Variants in DNAH12 observed in about 807,000 individuals in gnomAD.
DNAH12 encodes axonemal beta dynein heavy chain 12.
In DNAH12, 285 loss-of-function variants were observed where a neutral mutation model predicts 371.5. The observed-to-expected ratio is 0.77, with a 90% CI of 0.70 to 0.85. DNAH12 has a LOEUF of 0.85. Among genes scored for constraint, DNAH12 ranks in the 40% least tolerant of loss-of-function variants. DNAH12 has a pLI of 0.00. For missense variants in DNAH12, 3,611 were observed against 3,689.4 expected (o/e 0.98, Z 0.55); for synonymous variants, 1,200 against 1,213.0 (o/e 0.99, Z 0.22).
intron 45 of DNAH12, among the ~76,000 whole-genome samples, chr3:57,390,427 ATATATAT>A (rs2063596355): frequency 4.0e-5 from 2 of 50,344 alleles, no homozygotes; most frequent in East Asian, 1.2e-3. Context: ...AAAAAAAAAT[ATATATAT>A]ATATATATAT....
intron 40 of DNAH12, 36 bp downstream of exon 40, chr3:57,408,244 T>C: frequency 1.4e-6 from 2 of 1,472,646 alleles, no homozygotes; most frequent in Non-Finnish European, 1.8e-6. Context: ...GGGAAATATG[T>C]AATACTAAAA....
intron 13 of DNAH12, among the ~76,000 whole-genome samples, chr3:57,477,240 TC>T (rs2066563698): frequency 6.6e-6 from 1 of 152,140 alleles, no homozygotes; most frequent in African/African-American, 2.4e-5. Flanking sequence ...AGTGCGCTTT[TC>T]CAACGGGTTT....
intron 59 of DNAH12, among the ~76,000 whole-genome samples, chr3:57,354,998 T>C (rs1305918100): frequency 6.6e-6 from 1 of 152,118 alleles, no homozygotes; most frequent in African/African-American, 2.4e-5. Context: ...GAAGTGGGTA[T>C]AGCTATAAAA....
intron 13 of DNAH12, among the ~76,000 whole-genome samples, chr3:57,474,073 A>G (rs1402648811): frequency 1.3e-5 from 2 of 152,150 alleles, no homozygotes; most frequent in East Asian, 3.9e-4. Context: ...TGGGATAAAG[A>G]TGGGAAATCT....
In DNAH12 at chr3:57,315,110, G is replaced by A. The variant is rs2061658847; in HGVS notation, c.10525-479C>T. On this transcript the variant is annotated intron_variant, in intron 65 of 73. Coordinates refer to ENST00000495027, the MANE Select transcript of DNAH12 (RefSeq NM_001366028.2). ...CCATTGTTTATTTGATCTGCTTTGT[G>A]GCATCCCCGTGTCTGTGATATGCAT... Among the ~76,000 whole-genome samples the A allele has an allele frequency of 1.3e-5, 2 of 151,880 alleles. 1 individual carries two copies. Among genetic ancestry groups the A allele is most frequent in the South Asian group, 4.2e-4 (2 of 4,802 alleles).
chr3:57,501,543 A>G, intron 10 of DNAH12, 131 bp from the exon 11 acceptor site: 1 of 598,678 alleles, frequency 1.7e-6, no homozygotes, highest in African/African-American at 2.0e-5. Context: ...AACATACATG[A>G]TTTACTATAT....
intron 60 of DNAH12, among the ~76,000 whole-genome samples, chr3:57,342,935 T>C (rs1385561694): frequency 3.3e-5 from 5 of 151,768 alleles, no homozygotes; most frequent in Non-Finnish European, 7.4e-5. Flanking sequence ...TAGCCAAGCA[T>C]GGTGGCTTGT....
At chr3:57,319,432 C>T (rs970432166) in intron 65 of DNAH12, among the ~76,000 whole-genome samples, 4 of 152,150 alleles carry the variant, frequency 2.6e-5, no homozygotes, top group African/African-American at 7.2e-5. Context: ...AAGGAGTGGG[C>T]TTCCATGCCT....
rs781974118 is a variant in DNAH12 at position 57,346,413 on chromosome 3, G to C, written c.9674+5672C>G. ...TGTAAATGTACATTGCAAACTCAAGGGCAATAACAAAAAAAAGTTTTTTAA... is the reference window on the plus strand; with the variant it reads ...TGTAAATGTACATTGCAAACTCAAGCGCAATAACAAAAAAAAGTTTTTTAA... On this transcript the variant is annotated intron_variant, in intron 60 of 73. Transcript: ENST00000495027. Among the ~76,000 whole-genome samples, 18 of 151,670 alleles carry C rather than the reference G, an allele frequency of 1.2e-4. No homozygotes were observed. The South Asian group carries it at 1.5e-3, about 12-fold the overall frequency.
At chr3:57,448,470 C>T (rs996397043) in intron 25 of DNAH12, among the ~76,000 whole-genome samples, 3 of 151,710 alleles carry the variant, frequency 2.0e-5, no homozygotes, top group Non-Finnish European at 4.4e-5. Context: ...CCCAGGGGGG[C>T]TCGTGGTCTC....
rs1296398769 is a variant in DNAH12, at chr3:57,433,669, TC to T, written c.4814del (p.Gly1605AspfsTer44). ...PKSITMGQLF[G>X]QFDPVSHEWT... Reference sequence around the variant, plus strand: ...CCTCATGAGACACTGGGTCAAACTGTCCAAAAAGTTGGCCCATAGTAATAGA... The same window carrying T: ...CCTCATGAGACACTGGGTCAAACTGTCAAAAAGTTGGCCCATAGTAATAGA... On this transcript the variant is annotated frameshift_variant, in exon 31 of 74. Coordinates refer to ENST00000495027, the MANE Select transcript of DNAH12 (RefSeq NM_001366028.2). LOFTEE classifies it high-confidence loss of function. 1 of 1,550,186 alleles carries T rather than the reference TC, an allele frequency of 6.5e-7. No individual in the cohort carries two copies. Among genetic ancestry groups the T allele is most frequent in the Non-Finnish European group, 8.7e-7 (1 of 1,146,790 alleles).
intron 1 of DNAH12, among the ~76,000 whole-genome samples, chr3:57,543,480 C>G (rs1237188721): frequency 2.6e-5 from 4 of 151,030 alleles, no homozygotes; most frequent in African/African-American, 7.3e-5. Context: ...GCAACCACGC[C>G]CAGCTACTTT....
rs577670136 is a variant in DNAH12 at position 57,491,229 on chromosome 3, G to A, written c.1336-1542C>T. Among the ~76,000 whole-genome samples, 415 of 151,902 alleles carry A rather than the reference G, an allele frequency of 2.7e-3. 2 individuals are homozygous for A. The highest frequency in any genetic ancestry group is 4.3e-3 in the Non-Finnish European group (293 of 67,984). ...ATGATACCTTTCATACAAACTTACC[G>A]TGGACAAAACTAAACTATATTATTT... On this transcript the variant is annotated intron_variant, in intron 11 of 73. Transcript: ENST00000495027.
At chr3:57,337,532 G>A (rs1476771876) in intron 60 of DNAH12, among the ~76,000 whole-genome samples, 1 of 152,188 alleles carries the variant, frequency 6.6e-6, no homozygotes, top group Non-Finnish European at 1.5e-5. Flanking sequence ...GGTGACGTAT[G>A]CCTGTAATCC....
At position 57,458,234 on chromosome 3, in the gene DNAH12, A is replaced by G. The variant is rs2065956465; in HGVS notation, c.2932-14T>C. ...GGCAGCAAGAACCTAAACGAGACAC[A>G]TGCATTCAAGTCAGCACTTTTATGC... On this transcript the variant is annotated splice_polypyrimidine_tract_variant and intron_variant, in intron 20 of 73. Transcript: ENST00000495027. The G allele has an allele frequency of 2.0e-6, 3 of 1,537,822 alleles. No individual in the cohort carries two copies. Among genetic ancestry groups the G allele is most frequent in the Non-Finnish European group, 2.6e-6 (3 of 1,143,468 alleles).
chr3:57,495,097 T>TA (rs2067262840), intron 11 of DNAH12, among the ~76,000 whole-genome samples: 4 of 152,146 alleles, frequency 2.6e-5, no homozygotes, highest in Non-Finnish European at 5.9e-5. Flanking sequence ...TTTACACATA[T>TA]ATTTGCACTT....
At chr3:57,447,415 G>C (rs1199019416) in intron 25 of DNAH12, among the ~76,000 whole-genome samples, 1 of 152,058 alleles carries the variant, frequency 6.6e-6, no homozygotes, top group Admixed American at 6.6e-5. Context: ...TCTGTTTCAC[G>C]GGAGTTTCAA....
intron 5 of DNAH12, 140 bp from the exon 6 acceptor site, chr3:57,509,352 C>G (rs1382365416): frequency 1.3e-6 from 1 of 745,342 alleles, no homozygotes; most frequent in East Asian, 2.8e-5. Context: ...TTATTTGAAA[C>G]AAAATCAAGT....
At chr3:57,541,578 CT>C (rs1206035583) in intron 2 of DNAH12, among the ~76,000 whole-genome samples, 1 of 151,390 alleles carries the variant, frequency 6.6e-6, no homozygotes, top group Non-Finnish European at 1.5e-5. Context: ...CTTGCTCAGA[CT>C]CATCTCAAAT....
Sources: allele counts gnomAD v4.1 joint callset (sites outside exome capture counted in the v4.1 genomes callset), GRCh38; gene constraint gnomAD v4.1.1; transcripts MANE v1.5; gene names NCBI Gene and HGNC (gene_info 2026-07-23, HGNC 2026-07-21).